Variants in MAFF observed in about 807,000 individuals in gnomAD.
MAFF encodes MAF bZIP transcription factor F, also known as transcription factor MafF.
In MAFF, 4 loss-of-function variants were observed where a neutral mutation model predicts 2.7. The ratio of observed to expected loss-of-function variants is 1.48; its 90% CI spans 0.73 to 3.39. The LOEUF is 3.39. MAFF is among the 30% of genes most tolerant of loss of function. The pLI is 0.01. For missense variants in MAFF, 190 were observed against 246.6 expected, an observed-to-expected ratio of 0.77 and a Z score of 1.54; for synonymous variants, 113 against 119.4, an observed-to-expected ratio of 0.95 and a Z score of 0.35.
intron 1 of MAFF, among the ~76,000 whole-genome samples, chr22:38,204,807 G>A (rs959852905): frequency 2.0e-5 from 3 of 152,178 alleles, no homozygotes. Flanking sequence ...GTTGAGGCCT[G>A]AGGACCCTAC....
At chr22:38,210,365 T>A (rs1281179131) in intron 1 of MAFF, among the ~76,000 whole-genome samples, 1 of 152,154 alleles carries the variant, frequency 6.6e-6, no homozygotes, top group East Asian at 1.9e-4. Flanking sequence ...GGGAGTTTCC[T>A]GAGAAGCCCT....
intron 1 of MAFF, among the ~76,000 whole-genome samples, chr22:38,212,244 G>A (rs1430195936): frequency 2.0e-5 from 3 of 152,118 alleles, no homozygotes; most frequent in Non-Finnish European, 2.9e-5. Context: ...GAGGTGATCT[G>A]CCCGTCTCAG....
At chr22:38,210,278 G>A (rs1368436013) in intron 1 of MAFF, among the ~76,000 whole-genome samples, 5 of 152,194 alleles carry the variant, frequency 3.3e-5, no homozygotes, top group Non-Finnish European at 5.9e-5. Context: ...CTCTGCAAGC[G>A]CCAACTTCCT....
chr22:38,212,989 C>G (rs1320795278), intron 1 of MAFF, among the ~76,000 whole-genome samples: 2 of 151,882 alleles, frequency 1.3e-5, no homozygotes, highest in African/African-American at 4.8e-5. Flanking sequence ...TGGCGAAACC[C>G]TGTCTCTAAA....
chr22:38,210,772 A>G (rs2091093651), intron 1 of MAFF, among the ~76,000 whole-genome samples: 1 of 151,982 alleles, frequency 6.6e-6, no homozygotes, highest in Non-Finnish European at 1.5e-5. Flanking sequence ...CAAGGATGCC[A>G]ACAGAGGCCA....
rs990451998 is a variant in MAFF at position 38,202,953 on chromosome 22, G to GT, written c.-32+744dup. 1.3e-5 allele frequency: 2 copies of GT among 152,476 alleles called. No individual in the cohort carries two copies. Among genetic ancestry groups the GT allele is most frequent in the African/African-American group, 4.8e-5 (2 of 41,430 alleles). The allele number at this position is 152,476 out of a possible 1,614,324, so 9.4% of individuals were successfully genotyped here. A position where few individuals can be genotyped will look rare whatever the true frequency, so the allele number is the denominator to read the frequency against. ...AGGGCCTCCGCCACGTGACCCCAGT[G>GT]TTTGTCTCCCGCCCAGAGCCCGCGC... On this transcript the variant is annotated intron_variant, in intron 1 of 2. Transcript: ENST00000338483. This position sits in a 1 kb window ranked among gnomAD's most constrained non-coding sequence, Gnocchi z 7.4.
intron 1 of MAFF, 97 bp from the exon 2 acceptor site, chr22:38,213,726 T>C (rs1439816147): frequency 2.3e-6 from 2 of 869,782 alleles, no homozygotes; most frequent in African/African-American, 1.6e-5. Flanking sequence ...AGTTCTAAGA[T>C]AGCAGAGGCC....
intron 1 of MAFF, among the ~76,000 whole-genome samples, chr22:38,207,053 G>T (rs910805139): frequency 1.3e-5 from 2 of 152,118 alleles, no homozygotes; most frequent in Non-Finnish European, 2.9e-5. Flanking sequence ...CAGGGAGGTC[G>T]CCCTGCCAGG....
intron 1 of MAFF, chr22:38,213,558 TGAG>T (rs1216593755): frequency 1.8e-6 from 1 of 567,988 alleles, no homozygotes; most frequent in South Asian, 1.5e-5. Context: ...GAGGACCTCC[TGAG>T]GAGGTGACAT....
Position 38,214,861 on chromosome 22 carries a change from C to A in MAFF, c.478C>A (p.Pro160Thr). 6.6e-7 allele frequency: 1 copy of A among 1,511,124 alleles called. No homozygotes were observed. Among genetic ancestry groups the A allele is most frequent in the Non-Finnish European group, 8.8e-7 (1 of 1,131,130 alleles). 93.6% of individuals were successfully genotyped at this position (1,511,124 alleles called of 1,614,324 possible). A position where few individuals can be genotyped will look rare whatever the true frequency, so the allele number is the denominator to read the frequency against. ...CCACGGCCCGGACCCCGCCCACGGC[C>A]CGGCCTCCTGCTCCTAGTGCCCGCC... ...PAHGPDPAHG[P>T]ASCS is the part of the protein sequence containing the mutation. The change falls in exon 3 of 3, where the codon CCG (proline) becomes ACG (threonine). Residue 160 changes from proline (P) to threonine (T), a missense_variant. Pro to Thr is a conservative substitution (Grantham distance 38, BLOSUM62 -1). Around this residue, in one of 2 missense-constraint regions of MAFF, gnomAD observed 103 missense variants for 103.0 expected, o/e 1.00. Coordinates refer to ENST00000338483, the MANE Select transcript of MAFF (RefSeq NM_012323.4). This position sits in a 1 kb window ranked among gnomAD's most constrained non-coding sequence, Gnocchi z 6.3.
intron 1 of MAFF, chr22:38,203,971 G>A (rs4820325): frequency 0.58 from 88,295 of 152,156 alleles, 25,832 homozygotes; most frequent in East Asian, 0.64. Flanking sequence ...GGGGCCAGGA[G>A]CACAGGAACC....
At chr22:38,211,055 C>T (rs1372740056) in intron 1 of MAFF, among the ~76,000 whole-genome samples, 1 of 151,396 alleles carries the variant, frequency 6.6e-6, no homozygotes, top group African/African-American at 2.4e-5. Flanking sequence ...GAGTGAGACC[C>T]TGTATAAAAA....
chr22:38,215,080 A>T lies in MAFF; in HGVS notation c.*202A>T. ...TGACCCTGGGAAGGGGAACTTGGGT[A>T]GGTTGGGGATGGGGCAGAGGTCTGG... On this transcript the variant is annotated 3_prime_UTR_variant, in exon 3 of 3. Coordinates refer to ENST00000338483, the MANE Select transcript of MAFF (RefSeq NM_012323.4). 1 of 531,804 alleles carries T rather than the reference A, an allele frequency of 1.9e-6. No individual in the cohort carries two copies. The highest frequency in any genetic ancestry group is 3.5e-6 in the Non-Finnish European group (1 of 289,152). 32.9% of individuals were successfully genotyped at this position (531,804 alleles called of 1,614,324 possible). A position where few individuals can be genotyped will look rare whatever the true frequency, so the allele number is the denominator to read the frequency against.
rs560573944 is a variant in MAFF at position 38,204,380 on chromosome 22, T to C, written c.-32+2168T>C. 7.9e-5 allele frequency among the ~76,000 whole-genome samples: 12 copies of C among 152,196 alleles called. No individual in the cohort carries two copies. The South Asian group carries it at 1.7e-3, about 21-fold the overall frequency. The stretch of plus-strand genomic sequence containing the variant: ...AAGGCTTCCCTGGGGAGGTGACTAG[T>C]GTGCTGAGTCTGATAGAGTGGTGGT... On this transcript the variant is annotated intron_variant, in intron 1 of 2. Transcript: ENST00000338483.
chr22:38,208,101 C>T (rs1239714317), intron 1 of MAFF, among the ~76,000 whole-genome samples: 1 of 152,194 alleles, frequency 6.6e-6, no homozygotes, highest in African/African-American at 2.4e-5. Flanking sequence ...CCCCAGCCAG[C>T]TGGGAGATGC....
rs779641780 is a variant in MAFF at position 38,214,693 on chromosome 22, C to T, written c.310C>T (p.Leu104Phe). The change falls in exon 3 of 3, where the codon CTC (leucine) becomes TTC (phenylalanine). Residue 104 changes from leucine (L) to phenylalanine (F), a missense_variant. Leu to Phe is a conservative substitution (Grantham distance 22, BLOSUM62 0). Coordinates refer to ENST00000338483, the MANE Select transcript of MAFF (RefSeq NM_012323.4). The surrounding 1 kb of genome is among the most constrained non-coding windows in gnomAD (Gnocchi z 6.3). ...ARENAAMRLELDALRGKCEAL... is the reference protein window; with the variant it reads ...ARENAAMRLEFDALRGKCEAL... ...CGAGAACGCCGCCATGCGCCTGGAG[C>T]TCGACGCGCTGCGCGGCAAGTGCGA... 10 of 1,543,094 alleles carry T rather than the reference C, an allele frequency of 6.5e-6. No homozygotes were observed. The highest frequency in any genetic ancestry group is 8.7e-6 in the Non-Finnish European group (10 of 1,145,700).
chr22:38,204,394 T>C (rs938160481), intron 1 of MAFF, among the ~76,000 whole-genome samples: 1 of 152,080 alleles, frequency 6.6e-6, no homozygotes, highest in African/African-American at 2.4e-5. Context: ...CTGAGTCTGA[T>C]AGAGTGGTGG....
rs2091127076 is a variant in MAFF at position 38,214,429 on chromosome 22, G to A, written c.46G>A (p.Glu16Lys). ...TTCCTCATGCCCGCAGATCAAGCGA[G>A]AGCTGAGCGAGAACACGCCGCACCT... ...LSSKALKIKR[E>K]LSENTPHLSD... Residue 16 changes from glutamate (E) to lysine (K), a missense_variant, in exon 3 of 3, where the codon GAG (glutamate) becomes AAG (lysine). Around this residue, in one of 2 missense-constraint regions of MAFF, gnomAD observed 87 missense variants for 143.6 expected, o/e 0.61. Transcript: ENST00000338483. This position sits in a 1 kb window ranked among gnomAD's most constrained non-coding sequence, Gnocchi z 6.3. 6.2e-7 allele frequency: 1 copy of A among 1,600,006 alleles called. No homozygotes were observed. The highest frequency in any genetic ancestry group is 1.7e-5 in the Admixed American group (1 of 59,570).
chr22:38,210,762 C>T (rs2091093588), intron 1 of MAFF, among the ~76,000 whole-genome samples: 1 of 151,734 alleles, frequency 6.6e-6, no homozygotes, highest in South Asian at 2.1e-4. Flanking sequence ...ATCTAGGGAA[C>T]AAGGATGCCA....
Sources: allele counts gnomAD v4.1 joint callset (sites outside exome capture counted in the v4.1 genomes callset), GRCh38; gene constraint gnomAD v4.1.1; regional missense constraint gnomAD v4.1.1; non-coding constraint Gnocchi (gnomAD v3.1); transcripts MANE v1.5; gene names NCBI Gene and HGNC (gene_info 2026-07-23, HGNC 2026-07-21).